WDR64: variants seen among roughly 807,000 people sequenced by gnomAD.
WDR64 encodes WD repeat domain 64.
In WDR64, 112 loss-of-function variants were observed where a neutral mutation model predicts 139.3. The observed-to-expected ratio is 0.80, with a 90% confidence interval of 0.69 to 0.94. The LOEUF is 0.94. Among genes scored for constraint, WDR64 ranks in the 40% least tolerant of loss-of-function variants. WDR64 has a pLI of 0.00. For missense variants in WDR64, 1,206 were observed against 1,293.1 expected (o/e 0.93, Z 1.03); for synonymous variants, 444 against 437.7 (o/e 1.01, Z -0.18).
chr1:241,687,455 C>T lies in WDR64; in HGVS notation c.840-6C>T. The T allele has an allele frequency of 1.2e-6, 2 of 1,613,384 alleles. No individual in the cohort carries two copies. Among genetic ancestry groups the T allele is most frequent in the Non-Finnish European group, 8.5e-7 (1 of 1,179,778 alleles). On this transcript the variant is annotated splice_polypyrimidine_tract_variant and splice_region_variant and intron_variant, in intron 7 of 27. Coordinates refer to ENST00000437684, the MANE Select transcript of WDR64 (RefSeq NM_001367482.1). ...TAAATCTCCCCTGCCTTTTCTTAAT[C>T]CCCAGTGTTAAAAGGAAGCTACATA...
intron 11 of WDR64, among the ~76,000 whole-genome samples, chr1:241,739,265 G>A (rs545511854): frequency 5.1e-4 from 78 of 152,254 alleles, no homozygotes; most frequent in African/African-American, 1.9e-3. Flanking sequence ...TTAGGCTTCA[G>A]GATAAAAATG....
chr1:241,656,870 T>TTGTGTGTGTGTG lies in WDR64; in HGVS notation c.146-3630_146-3619dup, dbSNP rs199635140. Among the ~76,000 whole-genome samples, 1 of 86,642 alleles carries TTGTGTGTGTGTG rather than the reference T, an allele frequency of 1.2e-5. No individual in the cohort carries two copies. The highest frequency in any genetic ancestry group is 4.5e-5 in the African/African-American group (1 of 22,420). 56.8% of individuals were successfully genotyped at this position (86,642 alleles called of 152,430 possible). ...AAATGTCTCAAGTCTTTGCCAAATG[T>TTGTGTGTGTGTG]TGTGTGTGTGTGTGTGTGTGTGTGT... is the stretch of plus-strand genomic sequence containing the variant. On this transcript the variant is annotated intron_variant, in intron 1 of 27. Transcript: ENST00000437684. This position sits in a 1 kb window ranked among gnomAD's most constrained non-coding sequence, Gnocchi z 4.3.
At chr1:241,773,480 G>GT (rs1358662678) in intron 20 of WDR64, among the ~76,000 whole-genome samples, 4 of 152,048 alleles carry the variant, frequency 2.6e-5, no homozygotes, top group South Asian at 4.2e-4. Context: ...TTGTTTGTTT[G>GT]TTTTTTTAAG....
intron 24 of WDR64, 127 bp from the exon 25 acceptor site, chr1:241,790,464 G>A: frequency 4.2e-6 from 3 of 712,776 alleles, no homozygotes; most frequent in South Asian, 2.1e-5. Context: ...TAGAGATACT[G>A]TCATTGGGAC....
At chr1:241,671,010 TCTG>T (rs1368960088) in intron 2 of WDR64, 61 bp from the exon 3 acceptor site, 2 of 1,165,462 alleles carry the variant, frequency 1.7e-6, no homozygotes, top group Non-Finnish European at 2.4e-6. Flanking sequence ...CAACATGAGA[TCTG>T]CTACTTTATA....
In WDR64 at chr1:241,801,924, A is replaced by G. The variant is rs190003271; in HGVS notation, c.*709A>G. 3 of 398,116 alleles carry G rather than the reference A, an allele frequency of 7.5e-6. No individual in the cohort carries two copies. The highest frequency in any genetic ancestry group is 7.2e-5 in the East Asian group (2 of 27,946). 24.7% of individuals were successfully genotyped at this position (398,116 alleles called of 1,614,324 possible). A position where few individuals can be genotyped will look rare whatever the true frequency, so the allele number is the denominator to read the frequency against. ...AAAAGGTTGTCAGAATGGATTAAAA[A>G]AACAAAATCCAACTATATGTTGTTT... On this transcript the variant is annotated 3_prime_UTR_variant, in exon 28 of 28. Coordinates refer to ENST00000437684, the MANE Select transcript of WDR64 (RefSeq NM_001367482.1).
chr1:241,767,129 A>T (rs757619087), intron 16 of WDR64, among the ~76,000 whole-genome samples: 2 of 152,014 alleles, frequency 1.3e-5, no homozygotes, highest in Non-Finnish European at 2.9e-5. Flanking sequence ...CCCCAGTGCC[A>T]CCACCATCTA....
intron 8 of WDR64, among the ~76,000 whole-genome samples, chr1:241,693,776 T>A (rs915766902): frequency 1.3e-5 from 2 of 152,186 alleles, no homozygotes; most frequent in Admixed American, 6.5e-5. Context: ...ACAACAGCCA[T>A]ATTATTCGGA....
chr1:241,773,998 A>G (rs994645515), intron 20 of WDR64, among the ~76,000 whole-genome samples: 1 of 152,224 alleles, frequency 6.6e-6, no homozygotes, highest in Non-Finnish European at 1.5e-5. Flanking sequence ...AGTGTTCTTC[A>G]ATATTTCACA....
At chr1:241,676,551 T>C (rs1666561106) in intron 4 of WDR64, 1 of 152,196 alleles carries the variant, frequency 6.6e-6, no homozygotes, top group Admixed American at 6.5e-5. Flanking sequence ...GGAAAATAAT[T>C]ATGTGCATAC....
intron 10 of WDR64, among the ~76,000 whole-genome samples, chr1:241,731,339 T>A (rs1669069854): frequency 6.8e-6 from 1 of 146,466 alleles, no homozygotes; most frequent in South Asian, 2.2e-4. Context: ...AGATACCTCG[T>A]CTCTTAAAAA....
At chr1:241,758,236 A>AT (rs113803616) in intron 15 of WDR64, among the ~76,000 whole-genome samples, 21,238 of 144,814 alleles carry the variant, frequency 0.15, 1,667 homozygotes, top group Non-Finnish European at 0.17. Context: ...TACAACATTG[A>AT]TTTTTTTTTT....
At chr1:241,712,031 G>T in intron 9 of WDR64, 150 bp downstream of exon 9, 1 of 752,618 alleles carries the variant, frequency 1.3e-6, no homozygotes. Context: ...GTCTGGATTT[G>T]ATAACATACT....
chr1:241,772,250 G>A (rs1407187630), intron 19 of WDR64, among the ~76,000 whole-genome samples: 1 of 140,398 alleles, frequency 7.1e-6, no homozygotes, highest in African/African-American at 2.6e-5. Flanking sequence ...CAAAATAAAC[G>A]TTTTATATTT....
chr1:241,716,211 C>A (rs775554242), intron 9 of WDR64, among the ~76,000 whole-genome samples: 3 of 150,582 alleles, frequency 2.0e-5, no homozygotes, highest in Admixed American at 1.3e-4. Flanking sequence ...ATAAAAGCAG[C>A]TTTGCTAGGC....
intron 1 of WDR64, 126 bp from the exon 2 acceptor site, chr1:241,660,404 C>A (rs1665777739): frequency 1.6e-6 from 2 of 1,233,608 alleles, no homozygotes; most frequent in South Asian, 1.6e-5. Context: ...CTTTAAAATG[C>A]AAATATATCT....
intron 6 of WDR64, 96 bp downstream of exon 6, chr1:241,679,691 T>C: frequency 9.9e-7 from 1 of 1,010,044 alleles, no homozygotes; most frequent in South Asian, 1.5e-5. Flanking sequence ...CATCAGTTTC[T>C]TCATCTATAA....
At chr1:241,710,368 G>A (rs1043404043) in intron 8 of WDR64, among the ~76,000 whole-genome samples, 1 of 152,202 alleles carries the variant, frequency 6.6e-6, no homozygotes, top group South Asian at 2.1e-4. Context: ...ATGGAGCCAG[G>A]ATGGAAGCCC....
At chr1:241,774,418 G>C (rs1658574269) in intron 20 of WDR64, among the ~76,000 whole-genome samples, 1 of 151,972 alleles carries the variant, frequency 6.6e-6, no homozygotes, top group African/African-American at 2.4e-5. Context: ...AAAGAAATAG[G>C]AGGAGAAGAG....
Sources: allele counts gnomAD v4.1 joint callset (sites outside exome capture counted in the v4.1 genomes callset), GRCh38; gene constraint gnomAD v4.1.1; non-coding constraint Gnocchi (gnomAD v3.1); transcripts MANE v1.5; gene names NCBI Gene and HGNC (gene_info 2026-07-23, HGNC 2026-07-21).